The following JAM2 variants were observed in gnomAD, a reference collection of about 807,000 sequenced individuals.
JAM2 encodes junctional adhesion molecule B.
A neutral mutation model predicts 42.0 loss-of-function variants in JAM2; 17 were observed. The ratio of observed to expected loss-of-function variants is 0.40; its 90% CI spans 0.28 to 0.61. The LOEUF (loss-of-function observed/expected upper bound fraction) is 0.61, where lower values mean the gene tolerates loss of function less well. JAM2 is among the 20% of genes least tolerant of loss of function. JAM2 has a pLI of 0.37. For missense variants in JAM2, 319 were observed against 358.3 expected (o/e 0.89, Z 0.89); for synonymous variants, 118 against 128.6 (o/e 0.92, Z 0.56).
At chr21:25,675,459 G>A (rs2033462003) in intron 1 of JAM2, among the ~76,000 whole-genome samples, 1 of 151,836 alleles carries the variant, frequency 6.6e-6, no homozygotes, top group Admixed American at 6.6e-5. Flanking sequence ...TGGCGCCATT[G>A]CACTCTAGCC....
chr21:25,662,584 T>C (rs1050437710), intron 1 of JAM2, among the ~76,000 whole-genome samples: 1 of 152,114 alleles, frequency 6.6e-6, no homozygotes, highest in Non-Finnish European at 1.5e-5. Flanking sequence ...CTCTTGAGTA[T>C]CTGGGATAGG....
At chr21:25,653,349 A>G (rs2032834690) in intron 1 of JAM2, among the ~76,000 whole-genome samples, 1 of 152,202 alleles carries the variant, frequency 6.6e-6, no homozygotes, top group South Asian at 2.1e-4. Flanking sequence ...ACCTGACTCC[A>G]GTTTTAAGGT....
Position 25,662,515 on chromosome 21 carries a change from G to A in JAM2, c.68-21368G>A, listed in dbSNP as rs572132763. 1.1e-4 allele frequency among the ~76,000 whole-genome samples: 16 copies of A among 152,078 alleles called. No individual in the cohort carries two copies. The South Asian group carries it at 1.9e-3, about 18-fold the overall frequency. On this transcript the variant is annotated intron_variant, in intron 1 of 9. Transcript: ENST00000480456. ...GTCACCCAGGCTAGAGTGCAGTGAC[G>A]TGATCATAGCTCACTGTAGCCTCAA...
chr21:25,657,576 G>T (rs1004631496), intron 1 of JAM2, among the ~76,000 whole-genome samples: 1 of 152,034 alleles, frequency 6.6e-6, no homozygotes, highest in Non-Finnish European at 1.5e-5. Context: ...TGTTCACAAA[G>T]AAGCAAAAAG....
intron 2 of JAM2, among the ~76,000 whole-genome samples, chr21:25,687,698 T>C (rs992313584): frequency 3.3e-5 from 5 of 152,222 alleles, no homozygotes; most frequent in Admixed American, 3.3e-4. Flanking sequence ...AAGGCATTAG[T>C]ACCCAAGGGC....
rs142017183 is a variant in JAM2, at chr21:25,689,234, T to C, written c.134-632T>C. ...ATAGGCAGTTGTTTGGGGGTAAAAA[T>C]CAATGATTTATTAGGAGACCATATT... On this transcript the variant is annotated intron_variant, in intron 2 of 9. Coordinates refer to ENST00000480456, the MANE Select transcript of JAM2 (RefSeq NM_021219.4). 5.3e-5 allele frequency among the ~76,000 whole-genome samples: 8 copies of C among 152,314 alleles called. No homozygotes were observed. The East Asian group carries it at 1.5e-3, about 29-fold the overall frequency.
Position 25,689,405 on chromosome 21 carries a change from A to G in JAM2, c.134-461A>G, listed in dbSNP as rs1450900942. On this transcript the variant is annotated intron_variant, in intron 2 of 9. Transcript: ENST00000480456. ...TCTTGGGTACTAAGCATGAATCACC[A>G]TCTGCATAGCTGGTATTCAGCAACA... 2.6e-5 allele frequency among the ~76,000 whole-genome samples: 4 copies of G among 152,316 alleles called. No homozygotes were observed. In the South Asian group the frequency reaches 8.3e-4, roughly 32 times the overall value.
intron 8 of JAM2, among the ~76,000 whole-genome samples, chr21:25,711,775 G>C (rs961099318): frequency 2.6e-5 from 4 of 152,174 alleles, no homozygotes; most frequent in African/African-American, 7.2e-5. Flanking sequence ...ATCATCTTAC[G>C]TAAGTGGGAA....
chr21:25,659,040 A>T (rs1384831575), intron 1 of JAM2, among the ~76,000 whole-genome samples: 1 of 152,204 alleles, frequency 6.6e-6, no homozygotes, highest in Non-Finnish European at 1.5e-5. Flanking sequence ...CACAACTCAA[A>T]TCAAATTCAA....
At chr21:25,697,142 G>A (rs2034056317) in intron 4 of JAM2, among the ~76,000 whole-genome samples, 1 of 151,508 alleles carries the variant, frequency 6.6e-6, no homozygotes, top group Non-Finnish European at 1.5e-5. Flanking sequence ...ACTACACCTA[G>A]CCTTCTCCTT....
chr21:25,690,029 G>C, intron 3 of JAM2, 56 bp downstream of exon 3: 2 of 1,091,470 alleles, frequency 1.8e-6, no homozygotes, highest in South Asian at 1.3e-5. Flanking sequence ...GTACAACCAG[G>C]ATCCTTTAAT....
At chr21:25,650,036 G>C (rs980073996) in intron 1 of JAM2, among the ~76,000 whole-genome samples, 3 of 152,186 alleles carry the variant, frequency 2.0e-5, no homozygotes, top group Non-Finnish European at 4.4e-5. Context: ...GAACTCATTT[G>C]CTTCTGTGAG....
At chr21:25,649,039 T>C (rs1600990036) in intron 1 of JAM2, among the ~76,000 whole-genome samples, 2 of 152,334 alleles carry the variant, frequency 1.3e-5, no homozygotes, top group East Asian at 1.9e-4. Flanking sequence ...TAAGGAAATA[T>C]AAAGACTGGT....
intron 1 of JAM2, among the ~76,000 whole-genome samples, chr21:25,650,864 G>A (rs551841684): frequency 6.6e-6 from 1 of 152,046 alleles, no homozygotes; most frequent in South Asian, 2.1e-4. Context: ...TAGAAATCAC[G>A]TGTATGTGTG....
At chr21:25,687,188 A>C (rs2123374236) in intron 2 of JAM2, among the ~76,000 whole-genome samples, 1 of 152,338 alleles carries the variant, frequency 6.6e-6, no homozygotes, top group South Asian at 2.1e-4. Context: ...CAAGGGTGAA[A>C]ACAATAATGA....
At chr21:25,678,465 C>T (rs2033551217) in intron 1 of JAM2, among the ~76,000 whole-genome samples, 1 of 152,122 alleles carries the variant, frequency 6.6e-6, no homozygotes, top group Non-Finnish European at 1.5e-5. Flanking sequence ...GAAAGAACAG[C>T]TGCTATGTGA....
Position 25,706,982 on chromosome 21 carries a change from C to T in JAM2, c.805+896C>T, listed in dbSNP as rs544268989. Among the ~76,000 whole-genome samples, 6 of 152,264 alleles carry T rather than the reference C, an allele frequency of 3.9e-5. No homozygotes were observed. The South Asian group carries it at 8.3e-4, about 21-fold the overall frequency. On this transcript the variant is annotated intron_variant, in intron 7 of 9. Coordinates refer to ENST00000480456, the MANE Select transcript of JAM2 (RefSeq NM_021219.4). The stretch of plus-strand genomic sequence containing the variant: ...CTCAATCTCCTGACCTCCTGATCCA[C>T]CCACCTTGGCCTCCCAAAGTGCTGG...
intron 1 of JAM2, 76 bp from the exon 2 acceptor site, chr21:25,683,807 C>G (rs944188556): frequency 6.8e-5 from 70 of 1,024,842 alleles, no homozygotes; most frequent in Non-Finnish European, 1.0e-4. Flanking sequence ...GTTTTCTTGA[C>G]TATTGCATCC....
At chr21:25,704,211 G>T (rs1250409886) in intron 6 of JAM2, among the ~76,000 whole-genome samples, 3 of 152,046 alleles carry the variant, frequency 2.0e-5, no homozygotes, top group Non-Finnish European at 2.9e-5. Context: ...GATTACTGTA[G>T]ATTTTTTTCT....
Sources: allele counts gnomAD v4.1 joint callset (sites outside exome capture counted in the v4.1 genomes callset), GRCh38; gene constraint gnomAD v4.1.1; transcripts MANE v1.5; gene names NCBI Gene and HGNC (gene_info 2026-07-23, HGNC 2026-07-21).